The following CNTNAP2 variants were observed in gnomAD, a reference collection of about 807,000 sequenced individuals.
The protein encoded by CNTNAP2 is contactin-associated protein-like 2.
CNTNAP2 carries 98 observed loss-of-function variants against 155.2 expected under a neutral mutation model. That is an observed-to-expected ratio of 0.63 (90% CI 0.54 to 0.75). The LOEUF (loss-of-function observed/expected upper bound fraction) is 0.75. Ranked by LOEUF, CNTNAP2 falls within the 30% of genes least tolerant of loss-of-function variation. The pLI, the probability that CNTNAP2 is intolerant of heterozygous loss-of-function variation, is 0.00. For synonymous variants in CNTNAP2, 651 were observed against 631.2 expected, an observed-to-expected ratio of 1.03 and a Z score of -0.47; for missense variants, 1,727 against 1,688.1, an observed-to-expected ratio of 1.02 and a Z score of -0.40.
chr7:147,580,152 T>C (rs1800471915), intron 12 of CNTNAP2, among the ~76,000 whole-genome samples: 1 of 152,210 alleles, frequency 6.6e-6, no homozygotes. Flanking sequence ...AGTCTCCTTT[T>C]TCTGTCCTTC....
intron 1 of CNTNAP2, among the ~76,000 whole-genome samples, chr7:146,302,637 G>C (rs1800630855): frequency 6.6e-6 from 1 of 152,096 alleles, no homozygotes; most frequent in Non-Finnish European, 1.5e-5. Context: ...TTCAACGTTA[G>C]AGGCCGAACT....
At chr7:146,440,129 A>G (rs1471921057) in intron 1 of CNTNAP2, among the ~76,000 whole-genome samples, 2 of 151,554 alleles carry the variant, frequency 1.3e-5, no homozygotes, top group African/African-American at 4.9e-5. Flanking sequence ...ATCTCAAAAC[A>G]AAACAAAACA....
At chr7:148,023,234 T>C (rs540376995) in intron 15 of CNTNAP2, among the ~76,000 whole-genome samples, 1 of 152,266 alleles carries the variant, frequency 6.6e-6, no homozygotes, top group African/African-American at 2.4e-5. Context: ...ACAAAATACA[T>C]TATAAGCCTG....
intron 3 of CNTNAP2, among the ~76,000 whole-genome samples, chr7:146,984,648 T>C (rs1038837026): frequency 2.6e-5 from 4 of 152,124 alleles, no homozygotes; most frequent in African/African-American, 4.8e-5. Flanking sequence ...ACGGCAAGGA[T>C]TTCGCCCTTC....
chr7:148,217,146 A>G, intron 18 of CNTNAP2, 142 bp from the exon 19 acceptor site: 1 of 748,684 alleles, frequency 1.3e-6, no homozygotes, highest in Admixed American at 2.1e-5. Context: ...TGTTGATGCA[A>G]TAGCATCTTT....
chr7:148,253,048 A>G (rs532420046), intron 20 of CNTNAP2, among the ~76,000 whole-genome samples: 10 of 69,566 alleles, frequency 1.4e-4, no homozygotes, highest in South Asian at 1.5e-3. Context: ...ATAGATAGAT[A>G]GACAGATGAT....
At chr7:148,391,484 A>G (rs543188258) in intron 22 of CNTNAP2, among the ~76,000 whole-genome samples, 71 of 152,328 alleles carry the variant, frequency 4.7e-4, no homozygotes, top group Admixed American at 2.1e-3. Flanking sequence ...GAAACATCCA[A>G]TCTTTTTTTC....
chr7:147,190,115 CT>C (rs1187564963), intron 8 of CNTNAP2, among the ~76,000 whole-genome samples: 1 of 152,122 alleles, frequency 6.6e-6, no homozygotes, highest in Admixed American at 6.5e-5. Flanking sequence ...AGTCCATTGT[CT>C]GGCACATCAT....
At chr7:146,774,128 T>A (rs948246807) in intron 1 of CNTNAP2, 143 bp from the exon 2 acceptor site, 7 of 672,452 alleles carry the variant, frequency 1.0e-5, no homozygotes, top group Non-Finnish European at 1.9e-5. Context: ...GATAACAGAA[T>A]TGCCTAAATT....
intron 3 of CNTNAP2, among the ~76,000 whole-genome samples, chr7:146,841,615 G>C (rs996804653): frequency 6.6e-5 from 10 of 152,102 alleles, no homozygotes; most frequent in Non-Finnish European, 1.3e-4. Context: ...AAAATTACTT[G>C]AGGGGTTACA....
intron 21 of CNTNAP2, among the ~76,000 whole-genome samples, chr7:148,275,100 C>T (rs1006519775): frequency 1.3e-5 from 2 of 152,124 alleles, no homozygotes; most frequent in Non-Finnish European, 2.9e-5. Context: ...CAGTTTCTGC[C>T]TTTGGAAACT....
chr7:146,347,247 T>A (rs557419826), intron 1 of CNTNAP2, among the ~76,000 whole-genome samples: 125 of 149,990 alleles, frequency 8.3e-4, no homozygotes, highest in African/African-American at 3.0e-3. Context: ...GATTTCAAAG[T>A]AGGAAATGAA....
chr7:146,907,593 C>A (rs1005788436), intron 3 of CNTNAP2, among the ~76,000 whole-genome samples: 2 of 148,352 alleles, frequency 1.3e-5, no homozygotes, highest in African/African-American at 2.5e-5. Flanking sequence ...TACAGACAAG[C>A]AAATGCTGAG....
intron 13 of CNTNAP2, among the ~76,000 whole-genome samples, chr7:147,734,875 T>G (rs1343843910): frequency 6.6e-6 from 1 of 152,170 alleles, no homozygotes; most frequent in Non-Finnish European, 1.5e-5. Flanking sequence ...CCCTTTATCA[T>G]TTTTTATTGT....
At chr7:147,481,721 T>C (rs149923322) in intron 10 of CNTNAP2, among the ~76,000 whole-genome samples, 1 of 152,324 alleles carries the variant, frequency 6.6e-6, no homozygotes, top group African/African-American at 2.4e-5. Flanking sequence ...TCACTTCTTC[T>C]GGAGTCACTT....
intron 1 of CNTNAP2, among the ~76,000 whole-genome samples, chr7:146,386,060 A>T (rs1005007713): frequency 6.6e-6 from 1 of 152,188 alleles, no homozygotes; most frequent in Non-Finnish European, 1.5e-5. Flanking sequence ...CCCCAACAGG[A>T]CAACTTGCTG....
chr7:148,110,070 ATGTT>A (rs1053170231), intron 15 of CNTNAP2, among the ~76,000 whole-genome samples: 1 of 148,166 alleles, frequency 6.7e-6, no homozygotes, highest in African/African-American at 2.5e-5. Flanking sequence ...TTATCTTGCC[ATGTT>A]TCAAGGTCCA....
At chr7:148,244,569 T>TG (rs945277379) in intron 20 of CNTNAP2, among the ~76,000 whole-genome samples, 6 of 149,206 alleles carry the variant, frequency 4.0e-5, no homozygotes, top group African/African-American at 1.5e-4. Flanking sequence ...GTTTTGGGTT[T>TG]TTTTTTTTTT....
At chr7:147,933,604 C>G (rs538775367) in intron 14 of CNTNAP2, among the ~76,000 whole-genome samples, 2 of 152,300 alleles carry the variant, frequency 1.3e-5, no homozygotes, top group South Asian at 4.1e-4. Context: ...GTGGCTCACA[C>G]CTGTAATCCC....
Sources: allele counts gnomAD v4.1 joint callset (sites outside exome capture counted in the v4.1 genomes callset), GRCh38; gene constraint gnomAD v4.1.1; transcripts MANE v1.5; gene names NCBI Gene and HGNC (gene_info 2026-07-23, HGNC 2026-07-21).